WDR37: variants seen among roughly 807,000 people sequenced by gnomAD.
WDR37 encodes the protein WD repeat domain 37.
WDR37 carries 19 observed loss-of-function variants against 62.9 expected under a neutral mutation model. The observed-to-expected ratio is 0.30, with a 90% CI of 0.21 to 0.44. The LOEUF (loss-of-function observed/expected upper bound fraction) is 0.44, where lower values mean the gene tolerates loss of function less well. Ranked by LOEUF, WDR37 falls within the 20% of genes least tolerant of loss-of-function variation. The probability of loss-of-function intolerance (pLI) is 1.00; values close to 1 mark genes in which losing one functional copy is unlikely to be tolerated. For synonymous variants in WDR37, 250 were observed against 260.9 expected, an observed-to-expected ratio of 0.96 and a Z score of 0.40; for missense variants, 474 against 657.6, an observed-to-expected ratio of 0.72 and a Z score of 3.05.
At chr10:1,065,587 TAAAA>T (rs914568513) in intron 1 of WDR37, among the ~76,000 whole-genome samples, 4 of 140,814 alleles carry the variant, frequency 2.8e-5, no homozygotes, top group Non-Finnish European at 4.7e-5. Flanking sequence ...TGTCAGTAGG[TAAAA>T]AAAAAAAGCT....
chr10:1,083,858 C>T (rs1265590751), intron 5 of WDR37, among the ~76,000 whole-genome samples: 2 of 152,224 alleles, frequency 1.3e-5, no homozygotes, highest in South Asian at 2.1e-4. Context: ...GGCAAACCGG[C>T]ACACCTATTA....
At chr10:1,110,709 G>A (rs2131672778) in intron 11 of WDR37, among the ~76,000 whole-genome samples, 1 of 152,350 alleles carries the variant, frequency 6.6e-6, no homozygotes, top group East Asian at 1.9e-4. Context: ...CACACCCTGG[G>A]TCCCCTGCCT....
At chr10:1,065,666 AG>A (rs1315146738) in intron 1 of WDR37, among the ~76,000 whole-genome samples, 1 of 152,222 alleles carries the variant, frequency 6.6e-6, no homozygotes, top group African/African-American at 2.4e-5. Context: ...AATGAATGAT[AG>A]AGGGAAACGT....
At position 1,105,774 on chromosome 10, in the gene WDR37, G is replaced by A. The variant is rs914050466; in HGVS notation, c.1103+507G>A. On this transcript the variant is annotated intron_variant, in intron 11 of 13. Transcript: ENST00000263150. This position sits in a 1 kb window ranked among gnomAD's most constrained non-coding sequence, Gnocchi z 5.3. ...TCCCTCTCTGCTTGGGTTTCTCTCC[G>A]GCAACTCAAGTGTAAGGTCTTTTTT... 4.6e-5 allele frequency among the ~76,000 whole-genome samples: 7 copies of A among 152,072 alleles called. No individual in the cohort carries two copies. The highest frequency in any genetic ancestry group is 3.3e-4 in the Admixed American group (5 of 15,274).
chr10:1,098,426 C>T (rs933171859), intron 9 of WDR37, among the ~76,000 whole-genome samples: 1 of 149,648 alleles, frequency 6.7e-6, no homozygotes, highest in Non-Finnish European at 1.5e-5. Flanking sequence ...CTCCCGGGTT[C>T]AAGGGATTCT....
chr10:1,075,199 C>T (rs1358520791), intron 2 of WDR37, among the ~76,000 whole-genome samples: 1 of 151,882 alleles, frequency 6.6e-6, no homozygotes, highest in Non-Finnish European at 1.5e-5. Context: ...GTCCTCATTT[C>T]TCTGTGCATT....
At position 1,105,077 on chromosome 10, in the gene WDR37, C is replaced by T; in HGVS notation, c.962-49C>T. The T allele has an allele frequency of 1.2e-6, 2 of 1,603,240 alleles. No homozygotes were observed. Among genetic ancestry groups the T allele is most frequent in the Non-Finnish European group, 1.7e-6 (2 of 1,171,428 alleles). ...TTGTGCTGTTGAAAAGCGTCTCTCT[C>T]AGCGTGCTCCTCAGGTGATGACCTT... On this transcript the variant is annotated intron_variant, in intron 10 of 13. Coordinates refer to ENST00000263150, the MANE Select transcript of WDR37 (RefSeq NM_014023.4). The surrounding 1 kb of genome is among the most constrained non-coding windows in gnomAD (Gnocchi z 5.3).
chr10:1,092,894 A>AAAAAAAAAAAAAAAG, intron 7 of WDR37, among the ~76,000 whole-genome samples: 1 of 150,844 alleles, frequency 6.6e-6, no homozygotes, highest in Non-Finnish European at 1.5e-5. Context: ...AAAAAAAAAA[A>AAAAAAAAAAAAAAAG]AAAAGAAGAC....
At chr10:1,064,484 A>G (rs1222922036) in intron 1 of WDR37, among the ~76,000 whole-genome samples, 1 of 152,060 alleles carries the variant, frequency 6.6e-6, no homozygotes, top group Non-Finnish European at 1.5e-5. Context: ...CAAAGATGCT[A>G]AGACACATCC....
At chr10:1,065,909 G>A (rs544186102) in intron 1 of WDR37, among the ~76,000 whole-genome samples, 13 of 150,944 alleles carry the variant, frequency 8.6e-5, no homozygotes, top group African/African-American at 3.2e-4. Context: ...TTTTTTAGAT[G>A]ACTTAATAGT....
intron 5 of WDR37, among the ~76,000 whole-genome samples, chr10:1,081,741 T>C (rs1419497835): frequency 6.6e-6 from 1 of 152,234 alleles, no homozygotes; most frequent in Non-Finnish European, 1.5e-5. Context: ...TAATGAAGTG[T>C]GAAATTATGT....
chr10:1,111,936 C>G (rs1284955280), intron 11 of WDR37, among the ~76,000 whole-genome samples: 1 of 151,244 alleles, frequency 6.6e-6, no homozygotes, highest in East Asian at 1.9e-4. Context: ...GAGTCTCGCT[C>G]TGTTGCCCAG....
intron 4 of WDR37, 72 bp downstream of exon 4, chr10:1,080,178 G>A: frequency 6.4e-7 from 1 of 1,559,350 alleles, no homozygotes. Context: ...AGTGAAGGAT[G>A]CTGGCTGGTT....
In WDR37 at chr10:1,056,840, C is replaced by G. The variant is rs1420840881; in HGVS notation, c.-169C>G. 6.6e-5 allele frequency: 10 copies of G among 152,324 alleles called. No homozygotes were observed. The highest frequency in any genetic ancestry group is 2.2e-4 in the African/African-American group (9 of 41,510). The allele number at this position is 152,324 out of a possible 1,614,324, so 9.4% of individuals were successfully genotyped here. On this transcript the variant is annotated 5_prime_UTR_variant, in exon 1 of 14. Coordinates refer to ENST00000263150, the MANE Select transcript of WDR37 (RefSeq NM_014023.4). ...TAGCGCCAGGTTGGGGTTGTGGGGT[C>G]GCGTCAGTGCGGAGACAGCGGTGTC...
chr10:1,128,940 T>TGGTCCGTGCTCGGC (rs1351098964), intron 13 of WDR37, among the ~76,000 whole-genome samples: 2 of 151,138 alleles, frequency 1.3e-5, no homozygotes, highest in African/African-American at 4.9e-5. Flanking sequence ...GGGTGCTCGG[T>TGGTCCGTGCTCGGC]GGTCCGTGCT....
chr10:1,089,001 T>G (rs2131636632), intron 7 of WDR37, among the ~76,000 whole-genome samples: 1 of 152,306 alleles, frequency 6.6e-6, no homozygotes, highest in South Asian at 2.1e-4. Context: ...CTTGATTGAC[T>G]TAAGGGTTGG....
intron 13 of WDR37, among the ~76,000 whole-genome samples, chr10:1,128,962 G>A (rs1377542736): frequency 6.6e-6 from 1 of 151,126 alleles, no homozygotes; most frequent in Non-Finnish European, 1.5e-5. Flanking sequence ...GGCGGTGGTT[G>A]GTGCTCGGCA....
At chr10:1,102,540 G>A (rs1834858604) in intron 9 of WDR37, among the ~76,000 whole-genome samples, 1 of 152,178 alleles carries the variant, frequency 6.6e-6, no homozygotes, top group Admixed American at 6.5e-5. Context: ...CACAGCAGAA[G>A]GCGAAGCGGG....
chr10:1,058,397 T>C (rs966491833), intron 1 of WDR37, among the ~76,000 whole-genome samples: 5 of 152,258 alleles, frequency 3.3e-5, no homozygotes, highest in Non-Finnish European at 7.3e-5. Context: ...TGGGTAGCTA[T>C]GTTAGGCTGT....
Sources: allele counts gnomAD v4.1 joint callset (sites outside exome capture counted in the v4.1 genomes callset), GRCh38; gene constraint gnomAD v4.1.1; non-coding constraint Gnocchi (gnomAD v3.1); transcripts MANE v1.5; gene names NCBI Gene and HGNC (gene_info 2026-07-23, HGNC 2026-07-21).